The following IL16 variants were observed in gnomAD, a reference collection of about 807,000 sequenced individuals.
The protein encoded by IL16 is interleukin 16.
IL16 carries 67 observed loss-of-function variants against 110.1 expected under a neutral mutation model. That is an observed-to-expected ratio of 0.61 (90% CI 0.50 to 0.75). The LOEUF is 0.75. Ranked by LOEUF, IL16 falls within the 30% of genes least tolerant of loss-of-function variation. The probability of loss-of-function intolerance (pLI) is 0.00; values close to 1 mark genes in which losing one functional copy is unlikely to be tolerated. For synonymous variants in IL16, 689 were observed against 662.9 expected (o/e 1.04, Z -0.61); for missense variants, 1,545 against 1,655.0 (o/e 0.93, Z 1.15).
At chr15:81,236,467 G>T (rs1897179156) in intron 2 of IL16, among the ~76,000 whole-genome samples, 1 of 152,182 alleles carries the variant, frequency 6.6e-6, no homozygotes, top group Admixed American at 6.5e-5. Context: ...AAGCAAGGAG[G>T]GGCTGCCCAC....
chr15:81,281,388 C>T (rs1374904338), intron 8 of IL16, among the ~76,000 whole-genome samples: 1 of 152,238 alleles, frequency 6.6e-6, no homozygotes, highest in East Asian at 1.9e-4. Context: ...AGCCCCAGGC[C>T]CTCCTCTCCC....
intron 2 of IL16, among the ~76,000 whole-genome samples, chr15:81,243,879 C>T (rs140457975): frequency 1.1e-3 from 169 of 152,208 alleles, no homozygotes; most frequent in African/African-American, 4.0e-3. Context: ...CAGAAGTCTT[C>T]AGGGTTTGTA....
intron 4 of IL16, among the ~76,000 whole-genome samples, chr15:81,267,462 G>A (rs938806431): frequency 6.5e-5 from 8 of 122,738 alleles, no homozygotes; most frequent in African/African-American, 2.0e-4. Context: ...ATACACATAC[G>A]CAGACACACA....
chr15:81,198,952 G>A (rs558341743), intron 1 of IL16, among the ~76,000 whole-genome samples: 139 of 148,500 alleles, frequency 9.4e-4, no homozygotes, highest in African/African-American at 2.9e-3. Flanking sequence ...CCCGGGAGGC[G>A]GAGACTGCAG....
intron 6 of IL16, among the ~76,000 whole-genome samples, chr15:81,276,690 G>T (rs186323078): frequency 3.7e-4 from 56 of 152,322 alleles, no homozygotes; most frequent in Admixed American, 1.3e-4. Flanking sequence ...TAAAGCAAAG[G>T]TAATGCCAAG....
intron 2 of IL16, among the ~76,000 whole-genome samples, chr15:81,251,910 G>A (rs1897781650): frequency 6.6e-6 from 1 of 151,786 alleles, no homozygotes; most frequent in African/African-American, 2.4e-5. Flanking sequence ...TAATTTCTTA[G>A]TAACATAATG....
intron 1 of IL16, among the ~76,000 whole-genome samples, chr15:81,209,153 G>T (rs1896142142): frequency 1.3e-5 from 2 of 152,208 alleles, no homozygotes; most frequent in Non-Finnish European, 2.9e-5. Flanking sequence ...AGTTATGGTT[G>T]ATGGTGCTCA....
rs564656192 is a variant in IL16, at chr15:81,273,865, G to C, written c.790+661G>C. 5.0e-3 allele frequency among the ~76,000 whole-genome samples: 758 copies of C among 152,000 alleles called. 9 individuals carry two copies. The highest frequency in any genetic ancestry group is 4.5e-3 in the Non-Finnish European group (304 of 67,974). On this transcript the variant is annotated intron_variant, in intron 6 of 18. Coordinates refer to ENST00000683961, the MANE Select transcript of IL16 (RefSeq NM_172217.5). Reference sequence around the variant, plus strand: ...CAAGACAGAAGCCTCATCCATCCTGGGAGTGAGGGGCCAGGGAAACAGAGC... The same window carrying C: ...CAAGACAGAAGCCTCATCCATCCTGCGAGTGAGGGGCCAGGGAAACAGAGC...
intron 6 of IL16, among the ~76,000 whole-genome samples, chr15:81,274,549 A>T (rs1440873030): frequency 6.6e-6 from 1 of 152,252 alleles, no homozygotes; most frequent in African/African-American, 2.4e-5. Context: ...AACCATGATT[A>T]GGTGACAGCA....
Position 81,312,305 on chromosome 15 carries a change from G to A in IL16, c.*3507G>A, listed in dbSNP as rs1900901598. 2 of 152,282 alleles carry A rather than the reference G, an allele frequency of 1.3e-5. No homozygotes were observed. The highest frequency in any genetic ancestry group is 1.3e-4 in the Admixed American group (2 of 15,290). The allele number at this position is 152,282 out of a possible 1,614,324, so 9.4% of individuals were successfully genotyped here. On this transcript the variant is annotated 3_prime_UTR_variant, in exon 19 of 19. Coordinates refer to ENST00000683961, the MANE Select transcript of IL16 (RefSeq NM_172217.5). ...GTGAGTTTGTACAGTCTTGCAGCAGGATCTAGAGGGGGGATTTCCAGCCAG... is the reference window on the plus strand; with the variant it reads ...GTGAGTTTGTACAGTCTTGCAGCAGAATCTAGAGGGGGGATTTCCAGCCAG...
At chr15:81,210,078 G>T (rs7181965) in intron 1 of IL16, among the ~76,000 whole-genome samples, 7,807 of 152,234 alleles carry the variant, frequency 0.051, 686 homozygotes, top group African/African-American at 0.18. Context: ...TCATTCTTCA[G>T]CATATGGCTA....
intron 6 of IL16, among the ~76,000 whole-genome samples, chr15:81,274,345 C>G (rs888850325): frequency 2.0e-5 from 3 of 152,170 alleles, no homozygotes; most frequent in African/African-American, 7.2e-5. Flanking sequence ...GAAATGAAAT[C>G]CAAATTTTAG....
chr15:81,209,532 T>C (rs1254531355), intron 1 of IL16, among the ~76,000 whole-genome samples: 2 of 152,032 alleles, frequency 1.3e-5, no homozygotes, highest in Admixed American at 6.6e-5. Flanking sequence ...GCTCTCTTGT[T>C]CTTTTTTTTA....
At position 81,308,760 on chromosome 15, in the gene IL16, C is replaced by T. The variant is rs757186126; in HGVS notation, c.3961C>T (p.Leu1321Phe). The T allele has an allele frequency of 6.2e-7, 1 of 1,613,916 alleles. No homozygotes were observed. Among genetic ancestry groups the T allele is most frequent in the South Asian group, 1.1e-5 (1 of 91,066 alleles). The change falls in exon 19 of 19, where the codon CTC becomes TTC. Residue 1321 changes from leucine (L) to phenylalanine (F), a missense_variant. Leu to Phe is a conservative substitution (Grantham distance 22). Coordinates refer to ENST00000683961, the MANE Select transcript of IL16 (RefSeq NM_172217.5). ...PVTIVIRRKS[L>F]QSKETTAAGD... ...CACGATTGTCATCAGGAGAAAAAGC[C>T]TCCAGTCCAAGGAAACCACAGCTGC... is the stretch of plus-strand genomic sequence containing the variant.
upstream of IL16, among the ~76,000 whole-genome samples, chr15:81,195,713 G>A (rs532692047): frequency 3.3e-5 from 5 of 152,310 alleles, no homozygotes; most frequent in African/African-American, 1.2e-4. Flanking sequence ...TTGGTGCTGA[G>A]CGTTGGGAAA....
intron 6 of IL16, among the ~76,000 whole-genome samples, chr15:81,273,405 C>T (rs1898738314): frequency 6.6e-6 from 1 of 152,156 alleles, no homozygotes; most frequent in African/African-American, 2.4e-5. Flanking sequence ...GTTGGTTGTG[C>T]ATGTTTGCAC....
intron 5 of IL16, among the ~76,000 whole-genome samples, chr15:81,272,488 A>G (rs1308522113): frequency 1.3e-5 from 2 of 152,144 alleles, no homozygotes; most frequent in African/African-American, 2.4e-5. Flanking sequence ...ATTCCAGGAT[A>G]TGTTTGTTGG....
At chr15:81,297,103 A>G in intron 13 of IL16, 25 bp downstream of exon 13, 1 of 1,598,430 alleles carries the variant, frequency 6.3e-7, no homozygotes, top group Non-Finnish European at 8.5e-7. Flanking sequence ...AGATCTTCCA[A>G]AAGGAAGGGT....
chr15:81,285,982 T>G, intron 10 of IL16, 152 bp downstream of exon 10: 1 of 813,994 alleles, frequency 1.2e-6, no homozygotes. Context: ...AAGAATTGTC[T>G]GCAGCAGAGG....
Sources: allele counts gnomAD v4.1 joint callset (sites outside exome capture counted in the v4.1 genomes callset), GRCh38; gene constraint gnomAD v4.1.1; transcripts MANE v1.5; gene names NCBI Gene and HGNC (gene_info 2026-07-23, HGNC 2026-07-21).